The following CTNNA2 variants were observed in gnomAD, a reference collection of about 807,000 sequenced individuals.
CTNNA2 encodes catenin alpha-2.
In CTNNA2, 42 loss-of-function variants were observed where a neutral mutation model predicts 101.0. That is an observed-to-expected ratio of 0.42 (90% CI 0.32 to 0.54). The LOEUF (loss-of-function observed/expected upper bound fraction) is 0.54, where lower values mean the gene tolerates loss of function less well. Among genes scored for constraint, CTNNA2 ranks in the 20% least tolerant of loss-of-function variants. The pLI, the probability that CTNNA2 is intolerant of heterozygous loss-of-function variation, is 0.14. For missense variants in CTNNA2, 871 were observed against 1,223.1 expected (o/e 0.71, Z 4.29); for synonymous variants, 450 against 456.4 (o/e 0.99, Z 0.18).
intron 2 of CTNNA2, among the ~76,000 whole-genome samples, chr2:79,299,363 C>T (rs1175122643): frequency 2.0e-5 from 3 of 152,062 alleles, no homozygotes; most frequent in African/African-American, 4.8e-5. Context: ...TTAGTGCCAG[C>T]GTCATAGGCT....
chr2:80,007,175 G>A (rs758592298), intron 7 of CTNNA2, among the ~76,000 whole-genome samples: 7 of 152,010 alleles, frequency 4.6e-5, no homozygotes, highest in Non-Finnish European at 1.0e-4. Flanking sequence ...TTGCTTCTCT[G>A]TGCAGTGGGG....
At chr2:79,802,671 A>G (rs1366462364) in intron 3 of CTNNA2, among the ~76,000 whole-genome samples, 1 of 152,204 alleles carries the variant, frequency 6.6e-6, no homozygotes, top group Non-Finnish European at 1.5e-5. Flanking sequence ...TATTAGTGGG[A>G]AAAAAAGACT....
chr2:79,323,788 G>T (rs1676679950), intron 3 of CTNNA2, among the ~76,000 whole-genome samples: 1 of 152,102 alleles, frequency 6.6e-6, no homozygotes. Context: ...TTCTCAAAGA[G>T]TTTTTTTCTC....
chr2:79,830,467 T>TA (rs1046832633), intron 3 of CTNNA2, among the ~76,000 whole-genome samples: 3 of 151,900 alleles, frequency 2.0e-5, no homozygotes, highest in African/African-American at 4.8e-5. Context: ...TGGAGTGGGC[T>TA]AAAAAAAATT....
In CTNNA2 at chr2:79,636,222, A is replaced by G. The variant is rs1381711149; in HGVS notation, c.-5-15330A>G. On this transcript the variant is annotated intron_variant, in intron 1 of 18. Coordinates refer to ENST00000402739, the MANE Select transcript of CTNNA2 (RefSeq NM_001282597.3). ...GAGATGGAGCTTGCAGTGAGCCGAG[A>G]TCGCGCCACTGCACTCCAGCCTGGG... Among the ~76,000 whole-genome samples, 4 of 142,262 alleles carry G rather than the reference A, an allele frequency of 2.8e-5. No homozygotes were observed. The Admixed American group carries it at 2.9e-4, about 10-fold the overall frequency. The allele number at this position is 142,262 out of a possible 152,430, so 93.3% of individuals were successfully genotyped here.
At chr2:79,263,992 T>C (rs895211629) in intron 2 of CTNNA2, among the ~76,000 whole-genome samples, 3 of 152,202 alleles carry the variant, frequency 2.0e-5, no homozygotes, top group Non-Finnish European at 4.4e-5. Context: ...AGAGTCAACA[T>C]TTTGCCACTT....
At chr2:79,850,755 C>T (rs765095269) in intron 3 of CTNNA2, among the ~76,000 whole-genome samples, 11 of 152,192 alleles carry the variant, frequency 7.2e-5, no homozygotes, top group Non-Finnish European at 1.6e-4. Flanking sequence ...ACAATGAGAA[C>T]ACTTCCTTCA....
intron 3 of CTNNA2, among the ~76,000 whole-genome samples, chr2:79,365,885 C>G (rs182475255): frequency 1.3e-5 from 2 of 152,238 alleles, no homozygotes; most frequent in African/African-American, 4.8e-5. Flanking sequence ...TAACTCACAC[C>G]TTGATTTTTA....
chr2:79,302,106 A>C (rs1439060559), intron 2 of CTNNA2, among the ~76,000 whole-genome samples: 1 of 151,792 alleles, frequency 6.6e-6, no homozygotes, highest in African/African-American at 2.4e-5. Context: ...AAACAAATAA[A>C]TAAATAAATA....
chr2:80,310,823 A>C (rs1677493213), intron 7 of CTNNA2, among the ~76,000 whole-genome samples: 4 of 152,062 alleles, frequency 2.6e-5, no homozygotes, highest in Admixed American at 2.6e-4. Flanking sequence ...AATACAAAAA[A>C]TTAGCTGGGC....
chr2:80,016,125 G>T (rs922576147), intron 7 of CTNNA2, among the ~76,000 whole-genome samples: 2 of 152,122 alleles, frequency 1.3e-5, no homozygotes, highest in African/African-American at 4.8e-5. Context: ...GAACATCTGA[G>T]CATTTAGTGA....
At chr2:80,469,395 A>G (rs1253323123) in intron 9 of CTNNA2, among the ~76,000 whole-genome samples, 1 of 152,234 alleles carries the variant, frequency 6.6e-6, no homozygotes, top group Non-Finnish European at 1.5e-5. Flanking sequence ...GCTGAATATC[A>G]GTTGCCTGAA....
At chr2:80,451,873 A>G (rs1683541217) in intron 9 of CTNNA2, among the ~76,000 whole-genome samples, 1 of 144,932 alleles carries the variant, frequency 6.9e-6, no homozygotes, top group Non-Finnish European at 1.6e-5. Context: ...TTTTTATCGG[A>G]AAAAAAAGAT....
chr2:79,191,556 G>C (rs1323667869), intron 1 of CTNNA2, among the ~76,000 whole-genome samples: 3 of 152,134 alleles, frequency 2.0e-5, no homozygotes, highest in Admixed American at 6.5e-5. Context: ...CATATACTGA[G>C]AGATGGAAAT....
At chr2:80,479,523 A>G (rs2149497456) in intron 9 of CTNNA2, among the ~76,000 whole-genome samples, 1 of 152,234 alleles carries the variant, frequency 6.6e-6, no homozygotes, top group Non-Finnish European at 1.5e-5. Context: ...CAAAGGAAAG[A>G]CCTAATGGCT....
intron 1 of CTNNA2, among the ~76,000 whole-genome samples, chr2:79,588,117 A>C (rs1414570684): frequency 1.3e-5 from 2 of 152,224 alleles, no homozygotes; most frequent in African/African-American, 4.8e-5. Flanking sequence ...GAACATATTC[A>C]CACATTTAGT....
At chr2:80,284,235 A>G (rs1240248978) in intron 7 of CTNNA2, among the ~76,000 whole-genome samples, 1 of 152,136 alleles carries the variant, frequency 6.6e-6, no homozygotes, top group Non-Finnish European at 1.5e-5. Context: ...AAGGGGCCCT[A>G]ACTCTGGATG....
chr2:80,557,053 G>T (rs1240819259), intron 12 of CTNNA2, among the ~76,000 whole-genome samples: 1 of 152,174 alleles, frequency 6.6e-6, no homozygotes, highest in East Asian at 1.9e-4. Flanking sequence ...GGAATAGCAA[G>T]TAAAACACAA....
chr2:79,730,702 T>A (rs942872761), intron 2 of CTNNA2, among the ~76,000 whole-genome samples: 5 of 152,030 alleles, frequency 3.3e-5, no homozygotes, highest in African/African-American at 1.2e-4. Flanking sequence ...ATAGTTACCA[T>A]GATTTGATAA....
Sources: gnomAD v4.1 joint callset for allele counts (sites outside exome capture counted in the v4.1 genomes callset) on GRCh38, gnomAD v4.1.1 for gene constraint, MANE v1.5 for transcripts, NCBI Gene and HGNC (gene_info 2026-07-23, HGNC 2026-07-21) for gene names.